RYR3: variants seen among roughly 807,000 people sequenced by gnomAD.
RYR3 encodes ryanodine receptor 3.
Under a neutral mutation model 584.3 loss-of-function variants are expected in RYR3, and 207 were observed. That is an observed-to-expected ratio of 0.35 (90% CI 0.32 to 0.40). The LOEUF (loss-of-function observed/expected upper bound fraction) is 0.40, where lower values mean the gene tolerates loss of function less well. RYR3 is among the 10% of genes least tolerant of loss of function. RYR3 has a pLI of 1.00. For synonymous variants in RYR3, 2,416 were observed against 2,248.5 expected, an observed-to-expected ratio of 1.07 and a Z score of -2.11; for missense variants, 5,616 against 6,089.2, an observed-to-expected ratio of 0.92 and a Z score of 2.59.
In RYR3 at chr15:33,816,927, C is replaced by T. The variant is rs775906033; in HGVS notation, c.10568C>T (p.Ser3523Phe). Residue 3523 changes from serine (S) to phenylalanine (F), a missense_variant, in exon 75 of 104, where the codon TCC (serine) becomes TTC (phenylalanine). This residue lies in a region of RYR3 where 954 missense variants were observed against 1,132.2 expected (regional missense o/e 0.84). Transcript: ENST00000634891. ...TTTTGGATAGAAACAGAGGAGTATT[C>T]CTTTGAAGAGAAACTAGTACAGGAT... ...QRFWIETEEY[S>F]FEEKLVQDLA... The T allele has an allele frequency of 6.2e-6, 10 of 1,610,726 alleles. No homozygotes were observed. The highest frequency in any genetic ancestry group is 3.3e-5 in the Admixed American group (2 of 59,838).
rs115669861 is a variant in RYR3, at chr15:33,358,288, C to A, written c.51+47192C>A. Reference sequence around the variant, plus strand: ...GTGGGGTGCAGGGTCTGCCCCTTTGCTGGGCACTCTACCTACTGAGGCACT... The same window carrying A: ...GTGGGGTGCAGGGTCTGCCCCTTTGATGGGCACTCTACCTACTGAGGCACT... On this transcript the variant is annotated intron_variant, in intron 1 of 103. Coordinates refer to ENST00000634891, the MANE Select transcript of RYR3 (RefSeq NM_001036.6). Among the ~76,000 whole-genome samples, 1,319 of 152,302 alleles carry A rather than the reference C, an allele frequency of 8.7e-3. 25 individuals carry two copies. The highest frequency in any genetic ancestry group is 0.029 in the African/African-American group (1,221 of 41,548).
At chr15:33,317,829 G>C (rs761547139) in intron 1 of RYR3, among the ~76,000 whole-genome samples, 1 of 152,034 alleles carries the variant, frequency 6.6e-6, no homozygotes, top group Non-Finnish European at 1.5e-5. Context: ...CTGGGCTATT[G>C]TCCTTTGAGG....
chr15:33,427,655 C>A (rs2044758777), intron 1 of RYR3, among the ~76,000 whole-genome samples: 1 of 152,198 alleles, frequency 6.6e-6, no homozygotes, highest in South Asian at 2.1e-4. Context: ...TTATTCATGG[C>A]TCTCTCTGAA....
intron 1 of RYR3, among the ~76,000 whole-genome samples, chr15:33,472,633 G>T (rs1278022685): frequency 3.9e-5 from 6 of 152,194 alleles, no homozygotes; most frequent in Non-Finnish European, 7.3e-5. Flanking sequence ...TAAGGAAACT[G>T]TTTTCCTCTC....
At chr15:33,830,341 C>G (rs1017850038) in intron 85 of RYR3, among the ~76,000 whole-genome samples, 1 of 152,182 alleles carries the variant, frequency 6.6e-6, no homozygotes, top group Admixed American at 6.5e-5. Flanking sequence ...GTGGAACTTA[C>G]AACTTGCTGA....
chr15:33,606,485 T>C (rs2059911838), intron 18 of RYR3, among the ~76,000 whole-genome samples: 1 of 152,210 alleles, frequency 6.6e-6, no homozygotes. Context: ...CCTGGAAGTA[T>C]GAATGAGCTT....
At position 33,765,655 on chromosome 15, in the gene RYR3, AG is replaced by A. The variant is rs370424894; in HGVS notation, c.8706-3002del. ...CTCAAAAAAAAAAAAAAAAAAAAAA[AG>A]AAAATAGTCTAAATAGTCTAAAAAC... On this transcript the variant is annotated intron_variant, in intron 60 of 103. Coordinates refer to ENST00000634891, the MANE Select transcript of RYR3 (RefSeq NM_001036.6). Among the ~76,000 whole-genome samples, 463 of 108,906 alleles carry A rather than the reference AG, an allele frequency of 4.3e-3. 11 individuals carry two copies. Among genetic ancestry groups the A allele is most frequent in the Middle Eastern group, 0.01 (2 of 196 alleles). The allele number at this position is 108,906 out of a possible 152,430, so 71.4% of individuals were successfully genotyped here.
At chr15:33,671,959 A>G (rs2063873030) in intron 38 of RYR3, among the ~76,000 whole-genome samples, 1 of 151,844 alleles carries the variant, frequency 6.6e-6, no homozygotes, top group Non-Finnish European at 1.5e-5. Flanking sequence ...GATTACAGGC[A>G]TGCGCCACCA....
At chr15:33,489,911 A>T (rs911273474) in intron 2 of RYR3, among the ~76,000 whole-genome samples, 3 of 140,940 alleles carry the variant, frequency 2.1e-5, no homozygotes, top group Non-Finnish European at 4.6e-5. Context: ...AGATGGTGAG[A>T]TGGAACCTCA....
intron 5 of RYR3, among the ~76,000 whole-genome samples, chr15:33,534,355 C>G (rs1047071228): frequency 1.3e-5 from 2 of 152,198 alleles, no homozygotes; most frequent in Non-Finnish European, 2.9e-5. Context: ...GAGCCGAGAT[C>G]GCACCATTGC....
At chr15:33,549,737 T>C (rs918295250) in intron 9 of RYR3, among the ~76,000 whole-genome samples, 13 of 152,380 alleles carry the variant, frequency 8.5e-5, no homozygotes, top group African/African-American at 2.9e-4. Context: ...TTTTTACTAT[T>C]TCCCTTGAAG....
chr15:33,370,742 A>G (rs1296143264), intron 1 of RYR3, among the ~76,000 whole-genome samples: 2 of 152,178 alleles, frequency 1.3e-5, no homozygotes, highest in Non-Finnish European at 2.9e-5. Flanking sequence ...ACCAGGAAGA[A>G]ACTGGAACCA....
intron 1 of RYR3, among the ~76,000 whole-genome samples, chr15:33,460,712 A>C (rs1054221393): frequency 6.6e-6 from 1 of 152,176 alleles, no homozygotes; most frequent in Non-Finnish European, 1.5e-5. Context: ...GCCAGGCTTA[A>C]GTGCCTTTAC....
At chr15:33,426,795 C>T (rs1343314790) in intron 1 of RYR3, among the ~76,000 whole-genome samples, 1 of 152,146 alleles carries the variant, frequency 6.6e-6, no homozygotes, top group African/African-American at 2.4e-5. Flanking sequence ...ATTTATATCT[C>T]TCAGTTCTGG....
At position 33,865,551 on chromosome 15, in the gene RYR3, A is replaced by C; in HGVS notation, c.*325A>C. Reference sequence around the variant, plus strand: ...GGAAGCATGAAGGAAAGGGCTAGAGAAGTATGAAATCTCGAATGTGTAATA... The same window carrying C: ...GGAAGCATGAAGGAAAGGGCTAGAGCAGTATGAAATCTCGAATGTGTAATA... On this transcript the variant is annotated 3_prime_UTR_variant, in exon 104 of 104. Transcript: ENST00000634891. 1 of 258,028 alleles carries C rather than the reference A, an allele frequency of 3.9e-6. No homozygotes were observed. The highest frequency in any genetic ancestry group is 7.4e-6 in the Non-Finnish European group (1 of 134,406). 16.0% of individuals were successfully genotyped at this position (258,028 alleles called of 1,614,324 possible).
chr15:33,836,978 C>T lies in RYR3; in HGVS notation c.11641C>T (p.Leu3881Phe). Residue 3881 changes from leucine (L) to phenylalanine (F), a missense_variant, in exon 88 of 104, where the codon CTC becomes TTC. Leu to Phe is a conservative substitution (Grantham distance 22). Around this residue, in one of 9 missense-constraint regions of RYR3, gnomAD observed 13 missense variants for 41.1 expected, o/e 0.32. Transcript: ENST00000634891. The stretch of plus-strand genomic sequence containing the variant: ...GGACATGGTGGTGATGCTTCTGTCC[C>T]TCCTGGAAGGTTGGGCTGTTTGGTA... Reference protein sequence around the residue: ...LQDMVVMLLSLLEGNVVNGTI... With the variant: ...LQDMVVMLLSFLEGNVVNGTI... The T allele has an allele frequency of 6.2e-7, 1 of 1,613,166 alleles. No homozygotes were observed. Among genetic ancestry groups the T allele is most frequent in the Non-Finnish European group, 8.5e-7 (1 of 1,179,596 alleles).
At chr15:33,791,864 AACAG>A (rs1567179677) in intron 67 of RYR3, among the ~76,000 whole-genome samples, 1 of 152,154 alleles carries the variant, frequency 6.6e-6, no homozygotes. Flanking sequence ...AATGTGCTTG[AACAG>A]ACAAAGGATC....
chr15:33,837,585 T>G, intron 88 of RYR3, 46 bp from the exon 89 acceptor site: 1 of 1,495,026 alleles, frequency 6.7e-7, no homozygotes, highest in Non-Finnish European at 8.9e-7. Flanking sequence ...CATGATAGCT[T>G]GGGTTTATTT....
At chr15:33,675,766 G>A (rs531418288) in intron 38 of RYR3, among the ~76,000 whole-genome samples, 9 of 152,240 alleles carry the variant, frequency 5.9e-5, no homozygotes, top group African/African-American at 7.2e-5. Context: ...TTTGGCTATC[G>A]TTTGTTGATT....
Sources: gnomAD v4.1 joint callset for allele counts (sites outside exome capture counted in the v4.1 genomes callset) on GRCh38, gnomAD v4.1.1 for gene constraint, gnomAD v4.1.1 regional missense constraint, MANE v1.5 for transcripts, NCBI Gene and HGNC (gene_info 2026-07-23, HGNC 2026-07-21) for gene names.